Variants in CPEB3 observed in about 807,000 individuals in gnomAD.
CPEB3 encodes the protein cytoplasmic polyadenylation element binding protein 3, also known as cytoplasmic polyadenylation element-binding protein 3.
Under a neutral mutation model 67.2 loss-of-function variants are expected in CPEB3, and 20 were observed. The observed-to-expected ratio is 0.30, with a 90% CI of 0.21 to 0.43. The LOEUF (loss-of-function observed/expected upper bound fraction) is 0.43, where lower values mean the gene tolerates loss of function less well. Among genes scored for constraint, CPEB3 ranks in the 20% least tolerant of loss-of-function variants. The pLI, the probability that CPEB3 is intolerant of heterozygous loss-of-function variation, is 1.00. For missense variants in CPEB3, 746 were observed against 968.6 expected (o/e 0.77, Z 3.05); for synonymous variants, 376 against 393.1 (o/e 0.96, Z 0.51).
At chr10:92,156,028 C>T (rs1203873518) in intron 4 of CPEB3, among the ~76,000 whole-genome samples, 1 of 152,020 alleles carries the variant, frequency 6.6e-6, no homozygotes, top group Non-Finnish European at 1.5e-5. Context: ...TATCAATAAG[C>T]ACTTAATAAG....
intron 1 of CPEB3, among the ~76,000 whole-genome samples, chr10:92,254,536 C>T (rs1486852943): frequency 6.6e-6 from 1 of 152,138 alleles, no homozygotes; most frequent in African/African-American, 2.4e-5. Context: ...GTTTCTCACT[C>T]TCTGTTTGTT....
At chr10:92,246,796 C>A (rs1049735491) in intron 1 of CPEB3, among the ~76,000 whole-genome samples, 1 of 152,138 alleles carries the variant, frequency 6.6e-6, no homozygotes, top group Non-Finnish European at 1.5e-5. Context: ...GCATAAGCCA[C>A]CACGCCCGGC....
intron 9 of CPEB3, among the ~76,000 whole-genome samples, chr10:92,062,546 T>C (rs1241318763): frequency 6.6e-6 from 1 of 152,160 alleles, no homozygotes; most frequent in Non-Finnish European, 1.5e-5. Flanking sequence ...TGTAGACCAA[T>C]ACAAAGTTCT....
At chr10:92,194,770 G>A (rs1408263807) in intron 2 of CPEB3, among the ~76,000 whole-genome samples, 2 of 151,970 alleles carry the variant, frequency 1.3e-5, no homozygotes, top group African/African-American at 4.8e-5. Context: ...AGCCAGGCAC[G>A]GTGGCTCACG....
chr10:92,274,017 T>A (rs997122774), intron 1 of CPEB3, among the ~76,000 whole-genome samples: 1 of 152,326 alleles, frequency 6.6e-6, no homozygotes, highest in Admixed American at 6.5e-5. Context: ...ATTGCTCCTG[T>A]AATAAATCAC....
intron 4 of CPEB3, among the ~76,000 whole-genome samples, chr10:92,166,518 C>T (rs557148720): frequency 9.2e-5 from 14 of 152,248 alleles, no homozygotes; most frequent in African/African-American, 2.4e-4. Context: ...CATTACTGTC[C>T]GGTTCATCTC....
At position 92,047,389 on chromosome 10, in the gene CPEB3, C is replaced by G. The variant is rs1852145841; in HGVS notation, c.*4823G>C. Reference sequence around the variant, plus strand: ...ACTAATCTGTGACTAATCTTTCACTCAAACCTTGCAAGTAGAGATGTCACA... The same window carrying G: ...ACTAATCTGTGACTAATCTTTCACTGAAACCTTGCAAGTAGAGATGTCACA... On this transcript the variant is annotated 3_prime_UTR_variant, in exon 10 of 10. Transcript: ENST00000265997. 6.6e-6 allele frequency: 1 copy of G among 152,182 alleles called. No individual in the cohort carries two copies. Among genetic ancestry groups the G allele is most frequent in the South Asian group, 2.1e-4 (1 of 4,826 alleles). The allele number at this position is 152,182 out of a possible 1,614,324, so 9.4% of individuals were successfully genotyped here.
intron 9 of CPEB3, among the ~76,000 whole-genome samples, chr10:92,056,923 GTCC>G (rs965237836): frequency 1.3e-5 from 2 of 152,228 alleles, no homozygotes; most frequent in African/African-American, 2.4e-5. Flanking sequence ...GAGTTGTGAA[GTCC>G]CTTTTCCAGG....
chr10:92,103,139 G>C (rs1384512609), intron 7 of CPEB3, among the ~76,000 whole-genome samples: 1 of 152,158 alleles, frequency 6.6e-6, no homozygotes. Flanking sequence ...TCCAGGGGTA[G>C]GAAAATAGGG....
At chr10:92,173,299 G>A (rs957342205) in intron 4 of CPEB3, among the ~76,000 whole-genome samples, 1 of 151,952 alleles carries the variant, frequency 6.6e-6, no homozygotes, top group Non-Finnish European at 1.5e-5. Context: ...TTCCTTATTT[G>A]GTTAGAACTA....
At chr10:92,273,211 C>T (rs1853379048) in intron 1 of CPEB3, among the ~76,000 whole-genome samples, 1 of 152,058 alleles carries the variant, frequency 6.6e-6, no homozygotes, top group Admixed American at 6.6e-5. Flanking sequence ...TTTTTCCCAT[C>T]TATGCCCTTT....
intron 6 of CPEB3, among the ~76,000 whole-genome samples, chr10:92,122,301 G>A (rs1043933540): frequency 2.0e-5 from 3 of 152,204 alleles, no homozygotes; most frequent in Non-Finnish European, 2.9e-5. Context: ...AAGGTGCACA[G>A]GCCACGGCAT....
intron 2 of CPEB3, among the ~76,000 whole-genome samples, chr10:92,221,368 C>T (rs2134446331): frequency 6.6e-6 from 1 of 152,234 alleles, no homozygotes; most frequent in Non-Finnish European, 1.5e-5. Flanking sequence ...TGGCAGGTGC[C>T]TGTAATCCCA....
At chr10:92,250,406 T>G (rs192018365) in intron 1 of CPEB3, among the ~76,000 whole-genome samples, 1 of 152,184 alleles carries the variant, frequency 6.6e-6, no homozygotes, top group East Asian at 1.9e-4. Context: ...AAAAAAAAAT[T>G]TAAAAGTTTA....
At chr10:92,157,201 GT>G in intron 4 of CPEB3, among the ~76,000 whole-genome samples, 1 of 152,216 alleles carries the variant, frequency 6.6e-6, no homozygotes, top group Non-Finnish European at 1.5e-5. Flanking sequence ...TCACTTCCCT[GT>G]TTTTTTAACT....
At chr10:92,161,565 GC>G (rs1320246990) in intron 4 of CPEB3, among the ~76,000 whole-genome samples, 5 of 151,932 alleles carry the variant, frequency 3.3e-5, no homozygotes, top group Non-Finnish European at 7.4e-5. Flanking sequence ...GAGCCACCGC[GC>G]CCAGTGGCTT....
chr10:92,160,367 CTT>C (rs746979318), intron 4 of CPEB3, among the ~76,000 whole-genome samples: 2 of 152,292 alleles, frequency 1.3e-5, no homozygotes, highest in African/African-American at 4.8e-5. Context: ...TTGAATTCCT[CTT>C]GTTACAAAAA....
At chr10:92,196,728 A>C (rs1345908559) in intron 2 of CPEB3, among the ~76,000 whole-genome samples, 1 of 151,006 alleles carries the variant, frequency 6.6e-6, no homozygotes, top group Non-Finnish European at 1.5e-5. Flanking sequence ...AGCTCATGGC[A>C]CTGCACTCAG....
At chr10:92,143,196 C>G in intron 5 of CPEB3, 78 bp from the exon 6 acceptor site, 1 of 1,084,260 alleles carries the variant, frequency 9.2e-7, no homozygotes, top group Non-Finnish European at 1.4e-6. Flanking sequence ...CAAAACATGT[C>G]TTTTTAGTTT....
Sources: gnomAD v4.1 joint callset for allele counts (sites outside exome capture counted in the v4.1 genomes callset) on GRCh38, gnomAD v4.1.1 for gene constraint, MANE v1.5 for transcripts, NCBI Gene and HGNC (gene_info 2026-07-23, HGNC 2026-07-21) for gene names.